Variants in SLC12A7 observed in about 807,000 individuals in gnomAD.
The protein encoded by SLC12A7 is solute carrier family 12 member 7.
A neutral mutation model predicts 120.6 loss-of-function variants in SLC12A7; 100 were observed. The ratio of observed to expected loss-of-function variants is 0.83; its 90% CI spans 0.71 to 0.98. The LOEUF (loss-of-function observed/expected upper bound fraction) is 0.98. SLC12A7 is among the 50% of genes least tolerant of loss of function. The pLI, the probability that SLC12A7 is intolerant of heterozygous loss-of-function variation, is 0.00. For missense variants in SLC12A7, 1,373 were observed against 1,548.1 expected, an observed-to-expected ratio of 0.89 and a Z score of 1.90; for synonymous variants, 760 against 678.0, an observed-to-expected ratio of 1.12 and a Z score of -1.88.
chr5:1,115,847 A>AG (rs141953197), upstream of SLC12A7, among the ~76,000 whole-genome samples: 2,940 of 138,542 alleles, frequency 0.021, 81 homozygotes, highest in East Asian at 0.069. Context: ...AATCGGGGGA[A>AG]GGGGGAGGGA....
At chr5:1,139,186 G>A in the SLC12A7 span, among the ~76,000 whole-genome samples, 3 of 152,368 alleles carry the variant, frequency 2.0e-5, no homozygotes, top group Admixed American at 2.0e-4. Flanking sequence ...AGTCCTCATG[G>A]TCCGTAGGCA....
the SLC12A7 span, among the ~76,000 whole-genome samples, chr5:1,137,428 C>T: frequency 1.3e-5 from 2 of 152,138 alleles, no homozygotes; most frequent in Non-Finnish European, 2.9e-5. Flanking sequence ...TCAGCACCTG[C>T]CAGGGACGTC....
chr5:1,142,026 C>T, the SLC12A7 span, among the ~76,000 whole-genome samples: 1 of 152,118 alleles, frequency 6.6e-6, no homozygotes, highest in Non-Finnish European at 1.5e-5. Flanking sequence ...CTTCCCGGGG[C>T]TTCCTGGCCT....
chr5:1,052,279 GT>G lies in SLC12A7; in HGVS notation c.*80del. On this transcript the variant is annotated 3_prime_UTR_variant, in exon 24 of 24. Coordinates refer to ENST00000264930, the MANE Select transcript of SLC12A7 (RefSeq NM_006598.3). The stretch of plus-strand genomic sequence containing the variant: ...TGGGGGACAGGTGTGTCTGCCGTCT[GT>G]TTCCCTGGGCCAAGCCCAGGCCCAG... The G allele has an allele frequency of 1.7e-6, 2 of 1,209,584 alleles. No homozygotes were observed. The highest frequency in any genetic ancestry group is 1.2e-5 in the South Asian group (1 of 82,398). 74.9% of individuals were successfully genotyped at this position (1,209,584 alleles called of 1,614,324 possible).
At chr5:1,113,819 C>T (rs1160347721), upstream of SLC12A7, among the ~76,000 whole-genome samples, 1 of 152,168 alleles carries the variant, frequency 6.6e-6, no homozygotes, top group African/African-American at 2.4e-5. Context: ...CTGGGTAAAC[C>T]CTCTCCTCAG....
intron 2 of SLC12A7, among the ~76,000 whole-genome samples, chr5:1,093,880 G>A (rs1429814812): frequency 2.6e-5 from 4 of 152,178 alleles, no homozygotes; most frequent in East Asian, 3.9e-4. Context: ...GGACCCCAGG[G>A]TGTCCAGCAC....
At chr5:1,120,293 T>TAA in the SLC12A7 span, among the ~76,000 whole-genome samples, 1 of 152,284 alleles carries the variant, frequency 6.6e-6, no homozygotes, top group Admixed American at 6.5e-5. Context: ...GGTGGGCACC[T>TAA]GCCGTCCACA....
chr5:1,144,975 GCAGCACCCACAGCAGCAGC>G, the SLC12A7 span, among the ~76,000 whole-genome samples: 1 of 152,272 alleles, frequency 6.6e-6, no homozygotes, highest in Non-Finnish European at 1.5e-5. Flanking sequence ...GGAAGGAAGT[GCAGCACCCACAGCAGCAGC>G]CAGCACCACT....
chr5:1,142,226 T>C, the SLC12A7 span, among the ~76,000 whole-genome samples: 1 of 149,010 alleles, frequency 6.7e-6, no homozygotes, highest in Non-Finnish European at 1.5e-5. Context: ...CTATAAGCCC[T>C]GGTGCCCCCA....
chr5:1,081,701 C>T lies in SLC12A7; in HGVS notation c.1173G>A (p.Glu391=), dbSNP rs759561085. 1.1e-5 allele frequency: 17 copies of T among 1,613,082 alleles called. 1 individual carries two copies. In the South Asian group the frequency reaches 1.8e-4, roughly 17 times the overall value. ...CGGGCACCGAGGGCACACCTTTCTT[C>T]TCCACAAACGCCCCCGCGTGCGCGT... is the stretch of plus-strand genomic sequence containing the variant. ...STYAHAGAFV[E]KKGVPSVPVA... is the part of the protein sequence containing the mutation. Residue 391 remains glutamate, a synonymous_variant, in exon 9 of 24, where the codon GAG becomes GAA. Transcript: ENST00000264930.
chr5:1,139,650 C>T, the SLC12A7 span, among the ~76,000 whole-genome samples: 75 of 152,384 alleles, frequency 4.9e-4, no homozygotes, highest in Admixed American at 2.8e-3. Context: ...TGTAGGCGTC[C>T]GCACAGCCTG....
chr5:1,052,152 C>T lies in SLC12A7; in HGVS notation c.*208G>A, dbSNP rs1010294496. 35 of 589,406 alleles carry T rather than the reference C, an allele frequency of 5.9e-5. No individual in the cohort carries two copies. Among genetic ancestry groups the T allele is most frequent in the South Asian group, 1.6e-4 (8 of 48,984 alleles). The allele number at this position is 589,406 out of a possible 1,614,324, so 36.5% of individuals were successfully genotyped here. On this transcript the variant is annotated 3_prime_UTR_variant, in exon 24 of 24. Transcript: ENST00000264930. ...CAGATGCAAGGAAATCGTCCAGCCA[C>T]GCCCTGATTTGCTGAGCCTGTTAAG...
chr5:1,055,814 G>A (rs1026827295), intron 22 of SLC12A7, among the ~76,000 whole-genome samples: 6 of 152,226 alleles, frequency 3.9e-5, no homozygotes, highest in Admixed American at 6.5e-5. Flanking sequence ...TTTACAGAAC[G>A]GAGCAGGAAG....
At chr5:1,082,830 G>A (rs1241576575) in intron 8 of SLC12A7, among the ~76,000 whole-genome samples, 1 of 144,522 alleles carries the variant, frequency 6.9e-6, no homozygotes, top group African/African-American at 2.5e-5. Context: ...TTCCCGTCTT[G>A]GGTTCTGGAA....
chr5:1,077,475 C>T (rs1027109178), intron 12 of SLC12A7, among the ~76,000 whole-genome samples: 4 of 152,326 alleles, frequency 2.6e-5, no homozygotes, highest in East Asian at 1.9e-4. Context: ...GACGCCACCT[C>T]CCACGGGCTG....
At chr5:1,124,704 G>A in the SLC12A7 span, among the ~76,000 whole-genome samples, 390 of 152,312 alleles carry the variant, frequency 2.6e-3, 4 homozygotes, top group Middle Eastern at 6.8e-3. Context: ...GGACCATCAA[G>A]GGCATCTGTG....
the SLC12A7 span, among the ~76,000 whole-genome samples, chr5:1,131,934 C>G: frequency 6.6e-6 from 1 of 152,178 alleles, no homozygotes; most frequent in South Asian, 2.1e-4. Flanking sequence ...GGCGTTTGAA[C>G]CAGAGTGACT....
At chr5:1,112,126 G>A, upstream of SLC12A7, 2 of 1,017,928 alleles carry the variant, frequency 2.0e-6, no homozygotes, top group Non-Finnish European at 1.2e-6. Flanking sequence ...GACTTCACCT[G>A]CTTGCCCCGC....
intron 6 of SLC12A7, among the ~76,000 whole-genome samples, chr5:1,085,833 C>T (rs895753159): frequency 5.3e-5 from 8 of 152,248 alleles, no homozygotes; most frequent in Non-Finnish European, 2.9e-5. Context: ...CATGTCCGCA[C>T]TCAAAAGAAA....
Sources: allele counts gnomAD v4.1 joint callset (sites outside exome capture counted in the v4.1 genomes callset), GRCh38; gene constraint gnomAD v4.1.1; transcripts MANE v1.5; gene names NCBI Gene and HGNC (gene_info 2026-07-23, HGNC 2026-07-21).